FSIP1: variants seen among roughly 807,000 people sequenced by gnomAD.
FSIP1 encodes the protein fibrous sheath-interacting protein 1.
A neutral mutation model predicts 60.9 loss-of-function variants in FSIP1; 65 were observed. The observed-to-expected ratio is 1.07, with a 90% CI of 0.87 to 1.31. The LOEUF is 1.31. Ranked by LOEUF, FSIP1 falls within the 40% of genes most tolerant of loss-of-function variation. The pLI is 0.00. For missense variants in FSIP1, 675 were observed against 665.5 expected (o/e 1.01, Z -0.16); for synonymous variants, 209 against 221.2 (o/e 0.94, Z 0.49).
chr15:39,771,361 C>T (rs1454806165), intron 2 of FSIP1, among the ~76,000 whole-genome samples: 2 of 152,316 alleles, frequency 1.3e-5, no homozygotes, highest in East Asian at 3.9e-4. Flanking sequence ...GAGACTGTCT[C>T]CTCCAGCCCA....
Position 39,742,082 on chromosome 15 carries a change from T to C in FSIP1, c.560-182A>G, listed in dbSNP as rs112920631. Among the ~76,000 whole-genome samples the C allele has an allele frequency of 8.5e-3, 1,292 of 152,322 alleles. 18 individuals are homozygous for C. Among genetic ancestry groups the C allele is most frequent in the African/African-American group, 0.029 (1,204 of 41,572 alleles). ...CAAGTAGAAATGACAATCACCTTTG[T>C]ATACAGGAGCCAAATGAAACAAACT... On this transcript the variant is annotated intron_variant, in intron 5 of 11. Transcript: ENST00000350221.
chr15:39,599,735 T>G (rs75811678), downstream of FSIP1, among the ~76,000 whole-genome samples: 1,344 of 152,228 alleles, frequency 8.8e-3, 22 homozygotes, highest in African/African-American at 0.031. Context: ...GTGTGCCTCA[T>G]GGCATTCCTA....
intron 9 of FSIP1, among the ~76,000 whole-genome samples, chr15:39,722,191 T>C (rs1005673431): frequency 2.0e-5 from 3 of 152,050 alleles, no homozygotes; most frequent in Non-Finnish European, 4.4e-5. Context: ...GGGATCTAGG[T>C]TGCATATTCC....
At position 39,720,040 on chromosome 15, in the gene FSIP1, G is replaced by C. The variant is rs1895893470; in HGVS notation, c.1051-6459C>G. Among the ~76,000 whole-genome samples, 5 of 152,144 alleles carry C rather than the reference G, an allele frequency of 3.3e-5. No individual in the cohort carries two copies. In the South Asian group the frequency reaches 1.0e-3, roughly 32 times the overall value. ...AATAAGATTTCTGTGCCTGTGACTA[G>C]CATACATTTAAAAAATCCTAAATTC... On this transcript the variant is annotated intron_variant, in intron 9 of 11. Transcript: ENST00000350221.
chr15:39,638,793 CATGTGGGTGCGT>C (rs1195745228), intron 10 of FSIP1, among the ~76,000 whole-genome samples: 1 of 147,922 alleles, frequency 6.8e-6, no homozygotes, highest in Non-Finnish European at 1.5e-5. Flanking sequence ...ATTTCATGCA[CATGTGGGTGCGT>C]GTGTGGGTGC....
chr15:39,739,568 T>C, intron 7 of FSIP1, 97 bp downstream of exon 7: 2 of 1,118,238 alleles, frequency 1.8e-6, no homozygotes, highest in African/African-American at 1.6e-5. Flanking sequence ...ACATTTATGA[T>C]GGTTGAAAAA....
intron 5 of FSIP1, among the ~76,000 whole-genome samples, 166 bp downstream of exon 5, chr15:39,763,655 C>G (rs772655565): frequency 6.6e-6 from 1 of 152,166 alleles, no homozygotes; most frequent in Non-Finnish European, 1.5e-5. Flanking sequence ...TACCTAAGCT[C>G]GGAGTAGTTT....
intron 10 of FSIP1, among the ~76,000 whole-genome samples, chr15:39,654,826 G>T (rs1014944083): frequency 6.6e-6 from 1 of 152,122 alleles, no homozygotes; most frequent in African/African-American, 2.4e-5. Context: ...ATGATGAATG[G>T]CAAGAAAGCA....
intron 5 of FSIP1, among the ~76,000 whole-genome samples, chr15:39,754,468 C>T (rs770426565): frequency 1.8e-4 from 27 of 151,776 alleles, no homozygotes; most frequent in Admixed American, 6.6e-4. Flanking sequence ...ATAATGACAC[C>T]ATGGAGGCGA....
intron 8 of FSIP1, among the ~76,000 whole-genome samples, chr15:39,735,013 T>A (rs116161052): frequency 6.6e-6 from 1 of 152,178 alleles, no homozygotes; most frequent in African/African-American, 2.4e-5. Context: ...AAAGCATTCC[T>A]AGAATGTATC....
intron 8 of FSIP1, among the ~76,000 whole-genome samples, chr15:39,733,939 T>C (rs558970917): frequency 6.6e-6 from 1 of 152,120 alleles, no homozygotes; most frequent in East Asian, 1.9e-4. Context: ...TGGCAGCCAA[T>C]CACATTCTCA....
intron 3 of FSIP1, among the ~76,000 whole-genome samples, chr15:39,767,691 G>A (rs1897739580): frequency 6.6e-6 from 1 of 152,204 alleles, no homozygotes; most frequent in African/African-American, 2.4e-5. Flanking sequence ...GCAAACCAGT[G>A]ACTACGGAAC....
intron 10 of FSIP1, among the ~76,000 whole-genome samples, chr15:39,670,898 G>C (rs952547110): frequency 6.6e-6 from 1 of 152,072 alleles, no homozygotes; most frequent in Admixed American, 6.6e-5. Context: ...TTTCATTTTA[G>C]AATTCAGTCA....
At chr15:39,704,244 T>G (rs1566892929) in intron 10 of FSIP1, among the ~76,000 whole-genome samples, 5 of 152,214 alleles carry the variant, frequency 3.3e-5, no homozygotes. Flanking sequence ...TAAAACCTGT[T>G]ACAAGTGAAA....
chr15:39,759,590 T>A (rs1009082260), intron 5 of FSIP1, among the ~76,000 whole-genome samples: 5 of 152,196 alleles, frequency 3.3e-5, no homozygotes, highest in Non-Finnish European at 7.4e-5. Context: ...CCATTTTCTA[T>A]AGCGGCCCTA....
At chr15:39,777,393 G>A (rs1199996322) in intron 1 of FSIP1, among the ~76,000 whole-genome samples, 1 of 152,132 alleles carries the variant, frequency 6.6e-6, no homozygotes, top group Non-Finnish European at 1.5e-5. Context: ...TCTGCCCTCT[G>A]AAGCAAGAGA....
At chr15:39,636,062 C>T (rs1401581393) in intron 10 of FSIP1, among the ~76,000 whole-genome samples, 1 of 152,136 alleles carries the variant, frequency 6.6e-6, no homozygotes, top group Non-Finnish European at 1.5e-5. Context: ...TATATCCCCT[C>T]CAACAATATT....
chr15:39,648,454 T>C (rs1892721826), intron 10 of FSIP1, among the ~76,000 whole-genome samples: 1 of 152,192 alleles, frequency 6.6e-6, no homozygotes, highest in Non-Finnish European at 1.5e-5. Flanking sequence ...ATACGCATCG[T>C]AAGTTCTTAA....
chr15:39,676,958 G>A (rs1893968340), intron 10 of FSIP1, among the ~76,000 whole-genome samples: 1 of 152,166 alleles, frequency 6.6e-6, no homozygotes, highest in Non-Finnish European at 1.5e-5. Flanking sequence ...TAAACAATAT[G>A]AGTTGAGTTC....
Sources: allele counts gnomAD v4.1 joint callset (sites outside exome capture counted in the v4.1 genomes callset), GRCh38; gene constraint gnomAD v4.1.1; transcripts MANE v1.5; gene names NCBI Gene and HGNC (gene_info 2026-07-23, HGNC 2026-07-21).